The following NT5DC1 variants were observed in gnomAD, a reference collection of about 807,000 sequenced individuals.
The protein encoded by NT5DC1 is 5'-nucleotidase domain-containing protein 1.
Under a neutral mutation model 59.4 loss-of-function variants are expected in NT5DC1, and 42 were observed. The ratio of observed to expected loss-of-function variants is 0.71; its 90% confidence interval spans 0.55 to 0.92. The LOEUF is 0.92. Ranked by LOEUF, NT5DC1 falls within the 40% of genes least tolerant of loss-of-function variation. NT5DC1 has a pLI of 0.00. For missense variants in NT5DC1, 501 were observed against 537.1 expected, an observed-to-expected ratio of 0.93 and a Z score of 0.66; for synonymous variants, 172 against 188.1, an observed-to-expected ratio of 0.91 and a Z score of 0.70.
chr6:116,207,833 A>G (rs1203247161), intron 6 of NT5DC1, among the ~76,000 whole-genome samples: 1 of 151,818 alleles, frequency 6.6e-6, no homozygotes, highest in Non-Finnish European at 1.5e-5. Context: ...GGCTTTCTTT[A>G]CTCTGTGCCT....
At chr6:116,217,064 A>C (rs1037575925) in intron 6 of NT5DC1, among the ~76,000 whole-genome samples, 2 of 152,222 alleles carry the variant, frequency 1.3e-5, no homozygotes, top group African/African-American at 4.8e-5. Context: ...AAATCATGCA[A>C]ACAGTAGTGA....
Position 116,115,766 on chromosome 6 carries a change from C to T in NT5DC1, c.440C>T (p.Thr147Ile). 1.3e-6 allele frequency: 2 copies of T among 1,549,032 alleles called. No individual in the cohort carries two copies. Among genetic ancestry groups the T allele is most frequent in the Non-Finnish European group, 1.8e-6 (2 of 1,121,154 alleles). Residue 147 changes from threonine (T) to isoleucine (I), a missense_variant, in exon 5 of 12, where the codon ACA becomes ATA. Thr to Ile is a moderately conservative substitution (Grantham distance 89). Transcript: ENST00000319550. ...TGTGCCAGGGTGGTGGACTATTTAA[C>T]AAAAGTAAGTGGGGACTCATTTTTT... is the stretch of plus-strand genomic sequence containing the variant. Reference protein sequence around the residue: ...LLCARVVDYLTKLNNGQKTFD... With the variant: ...LLCARVVDYLIKLNNGQKTFD...
At chr6:116,213,765 T>G (rs1439060835) in intron 6 of NT5DC1, among the ~76,000 whole-genome samples, 1 of 152,084 alleles carries the variant, frequency 6.6e-6, no homozygotes, top group Non-Finnish European at 1.5e-5. Flanking sequence ...AGGCACAGGA[T>G]CCTGCCTATT....
chr6:116,139,273 G>A (rs537117978), intron 6 of NT5DC1, among the ~76,000 whole-genome samples: 4 of 151,924 alleles, frequency 2.6e-5, no homozygotes, highest in Non-Finnish European at 5.9e-5. Context: ...ACAATTTGTG[G>A]GTAATTAACT....
At chr6:116,107,874 A>G (rs1446548448) in intron 2 of NT5DC1, among the ~76,000 whole-genome samples, 2 of 152,094 alleles carry the variant, frequency 1.3e-5, no homozygotes, top group Non-Finnish European at 2.9e-5. Flanking sequence ...GCCTGGCCAT[A>G]GTGGTTTTCA....
intron 6 of NT5DC1, chr6:116,121,970 C>T (rs780425615): frequency 6.2e-7 from 1 of 1,605,552 alleles, no homozygotes; most frequent in Non-Finnish European, 8.5e-7. Flanking sequence ...ACCTAAAAGA[C>T]ACACCCAACA....
At chr6:116,142,711 T>A (rs1236058096) in intron 6 of NT5DC1, among the ~76,000 whole-genome samples, 1 of 152,190 alleles carries the variant, frequency 6.6e-6, no homozygotes, top group Non-Finnish European at 1.5e-5. Flanking sequence ...ATATTAATAG[T>A]GTTCTTCCAA....
chr6:116,138,419 C>T (rs534930635), intron 6 of NT5DC1, among the ~76,000 whole-genome samples: 10 of 152,296 alleles, frequency 6.6e-5, no homozygotes, highest in Admixed American at 2.6e-4. Context: ...TGTAATCCCA[C>T]TACGTCTGCT....
intron 4 of NT5DC1, among the ~76,000 whole-genome samples, chr6:116,111,956 C>T (rs1269666212): frequency 6.6e-6 from 1 of 152,158 alleles, no homozygotes; most frequent in Non-Finnish European, 1.5e-5. Context: ...TGTAAACAGG[C>T]TCTTCCTTTC....
chr6:116,148,002 G>C (rs910393490), intron 6 of NT5DC1, among the ~76,000 whole-genome samples: 6 of 151,738 alleles, frequency 4.0e-5, no homozygotes, highest in East Asian at 1.9e-4. Flanking sequence ...AAAAAGGTGG[G>C]GGGGGTTGGA....
intron 6 of NT5DC1, chr6:116,125,431 T>C: frequency 6.2e-7 from 1 of 1,613,878 alleles, no homozygotes; most frequent in Non-Finnish European, 8.5e-7. Context: ...TCGTTCAGCG[T>C]AAAACACTCC....
At chr6:116,171,898 G>A (rs763241250) in intron 6 of NT5DC1, among the ~76,000 whole-genome samples, 1 of 152,192 alleles carries the variant, frequency 6.6e-6, no homozygotes, top group African/African-American at 2.4e-5. Context: ...ATACAGGGAA[G>A]TTTAAGTCCG....
At chr6:116,140,514 C>T (rs1028287555) in intron 6 of NT5DC1, among the ~76,000 whole-genome samples, 12 of 152,064 alleles carry the variant, frequency 7.9e-5, no homozygotes, top group African/African-American at 2.7e-4. Flanking sequence ...TCAATGAACA[C>T]ATGTATGTGT....
At chr6:116,231,130 C>G (rs1194738500) in intron 8 of NT5DC1, among the ~76,000 whole-genome samples, 1 of 109,480 alleles carries the variant, frequency 9.1e-6, no homozygotes, top group Non-Finnish European at 1.8e-5. Flanking sequence ...AAAAAAAGAA[C>G]TATGAATGAA....
At chr6:116,123,489 G>T (rs1206100679) in intron 6 of NT5DC1, among the ~76,000 whole-genome samples, 4 of 152,230 alleles carry the variant, frequency 2.6e-5, no homozygotes, top group African/African-American at 7.2e-5. Context: ...GTGATTGGTT[G>T]TGTCAGAATG....
rs558357110 is a variant in NT5DC1, at chr6:116,214,820, T to TA, written c.530-6223dup. Among the ~76,000 whole-genome samples the TA allele has an allele frequency of 3.0e-3, 433 of 142,520 alleles. 2 individuals carry two copies. Among genetic ancestry groups the TA allele is most frequent in the East Asian group, 0.014 (68 of 4,912 alleles). 93.5% of individuals were successfully genotyped at this position (142,520 alleles called of 152,430 possible). ...ATGTACCCTAAAACTTAAAGTATAA[T>TA]AAAAAAAAAAAGAGTTATCTGGCTG... On this transcript the variant is annotated intron_variant, in intron 6 of 11. Coordinates refer to ENST00000319550, the MANE Select transcript of NT5DC1 (RefSeq NM_152729.3).
chr6:116,190,861 A>C lies in NT5DC1; in HGVS notation c.530-30193A>C, dbSNP rs76397419. On this transcript the variant is annotated intron_variant, in intron 6 of 11. Transcript: ENST00000319550. ...GAGACAGGTTCTCAGTTTCGTTGGGATGGGTTCTGTGTGGTGCTTCTACAT... is the reference window on the plus strand; with the variant it reads ...GAGACAGGTTCTCAGTTTCGTTGGGCTGGGTTCTGTGTGGTGCTTCTACAT... Among the ~76,000 whole-genome samples, 142 of 152,106 alleles carry C rather than the reference A, an allele frequency of 9.3e-4. 8 individuals are homozygous for C. In the East Asian group the frequency reaches 0.025, roughly 27 times the overall value.
At chr6:116,127,644 G>A (rs1181019418) in intron 6 of NT5DC1, among the ~76,000 whole-genome samples, 1 of 152,122 alleles carries the variant, frequency 6.6e-6, no homozygotes, top group Non-Finnish European at 1.5e-5. Context: ...AAAAGTAGGT[G>A]AGGTAACTTT....
intron 6 of NT5DC1, among the ~76,000 whole-genome samples, chr6:116,139,297 C>G (rs1779704651): frequency 6.6e-6 from 1 of 151,950 alleles, no homozygotes; most frequent in African/African-American, 2.4e-5. Context: ...AGAATAAATT[C>G]TGTGTTATTT....
Sources: allele counts gnomAD v4.1 joint callset (sites outside exome capture counted in the v4.1 genomes callset), GRCh38; gene constraint gnomAD v4.1.1; transcripts MANE v1.5; gene names NCBI Gene and HGNC (gene_info 2026-07-23, HGNC 2026-07-21).